GMDS: variants seen among roughly 807,000 people sequenced by gnomAD.
GMDS encodes the protein GDP-mannose 4,6 dehydratase.
Under a neutral mutation model 49.9 loss-of-function variants are expected in GMDS, and 20 were observed. That is an observed-to-expected ratio of 0.40 (90% CI 0.28 to 0.58). The LOEUF (loss-of-function observed/expected upper bound fraction) is 0.58. Ranked by LOEUF, GMDS falls within the 20% of genes least tolerant of loss-of-function variation. The pLI is 0.42. For synonymous variants in GMDS, 177 were observed against 178.6 expected (o/e 0.99, Z 0.07); for missense variants, 362 against 481.4 (o/e 0.75, Z 2.32).
chr6:2,239,029 T>TA lies in GMDS; in HGVS notation c.102+6291dup, dbSNP rs200353675. 1.0e-3 allele frequency among the ~76,000 whole-genome samples: 150 copies of TA among 149,368 alleles called. 2 individuals are homozygous for TA. Among genetic ancestry groups the TA allele is most frequent in the South Asian group, 5.3e-3 (25 of 4,724 alleles). Reference sequence around the variant, plus strand: ...AAATTAATAGTTCATTGGTTTCATTTAAAAAAAAAACTATCCTGGCCGGGC... The same window carrying TA: ...AAATTAATAGTTCATTGGTTTCATTTAAAAAAAAAAACTATCCTGGCCGGGC... On this transcript the variant is annotated intron_variant, in intron 1 of 10. Transcript: ENST00000380815.
chr6:1,849,346 G>C (rs149098715), intron 7 of GMDS, among the ~76,000 whole-genome samples: 26 of 152,218 alleles, frequency 1.7e-4, no homozygotes, highest in African/African-American at 6.3e-4. Context: ...ACCACCATAC[G>C]CATGCTGATC....
chr6:1,812,015 G>A (rs1770449449), intron 7 of GMDS, among the ~76,000 whole-genome samples: 1 of 151,234 alleles, frequency 6.6e-6, no homozygotes, highest in Non-Finnish European at 1.5e-5. Flanking sequence ...ACTGTCCGAG[G>A]AATCATAGTC....
At chr6:1,859,856 A>C (rs1758103409) in intron 7 of GMDS, among the ~76,000 whole-genome samples, 1 of 152,246 alleles carries the variant, frequency 6.6e-6, no homozygotes, top group South Asian at 2.1e-4. Flanking sequence ...CAAACATCAT[A>C]ATGTATTATT....
At chr6:2,227,469 G>T (rs1780867975) in intron 1 of GMDS, among the ~76,000 whole-genome samples, 1 of 152,176 alleles carries the variant, frequency 6.6e-6, no homozygotes, top group Non-Finnish European at 1.5e-5. Flanking sequence ...CTTTGGAGAG[G>T]ACTGAAATCA....
chr6:1,804,125 C>T (rs551414266), intron 7 of GMDS, among the ~76,000 whole-genome samples: 23 of 152,292 alleles, frequency 1.5e-4, no homozygotes, highest in East Asian at 7.7e-4. Context: ...ATTAATTTGT[C>T]GTTGTTTTTG....
At chr6:1,628,703 T>C (rs79671302) in intron 9 of GMDS, among the ~76,000 whole-genome samples, 2,224 of 152,336 alleles carry the variant, frequency 0.015, 53 homozygotes, top group African/African-American at 0.051. Context: ...AAATTTCTAA[T>C]GTACATCTTG....
chr6:2,233,001 G>GATGGGGAGTGACTGATGAATGGGT (rs1219129547), intron 1 of GMDS, among the ~76,000 whole-genome samples: 4 of 152,226 alleles, frequency 2.6e-5, no homozygotes, highest in African/African-American at 7.2e-5. Flanking sequence ...GAAAGGAGGG[G>GATGGGGAGTGACTGATGAATGGGT]ATGGGGAGTG....
intron 4 of GMDS, among the ~76,000 whole-genome samples, chr6:2,113,090 G>A (rs1221692021): frequency 6.6e-6 from 1 of 152,050 alleles, no homozygotes; most frequent in African/African-American, 2.4e-5. Context: ...TTCAAGTAAC[G>A]CCAGTAAAAT....
chr6:2,123,754 T>G (rs890928280), intron 2 of GMDS, among the ~76,000 whole-genome samples: 1 of 152,256 alleles, frequency 6.6e-6, no homozygotes, highest in Non-Finnish European at 1.5e-5. Flanking sequence ...AATTACAAAA[T>G]GTAGCATTAG....
rs553974471 is a variant in GMDS, at chr6:1,780,632, G to A, written c.772-38046C>T. ...CTGCTGGGTGCCAGGCCCAGGAGCT[G>A]GCTCCCGCGCTGCTCTGCCCATCCT... is the stretch of plus-strand genomic sequence containing the variant. On this transcript the variant is annotated intron_variant, in intron 7 of 10. Transcript: ENST00000380815. Among the ~76,000 whole-genome samples, 112 of 152,312 alleles carry A rather than the reference G, an allele frequency of 7.4e-4. 5 individuals carry two copies. The South Asian group carries it at 0.023, about 31-fold the overall frequency.
chr6:2,113,304 T>C (rs1211330636), intron 4 of GMDS, among the ~76,000 whole-genome samples: 2 of 152,048 alleles, frequency 1.3e-5, no homozygotes, highest in African/African-American at 4.8e-5. Flanking sequence ...CCCCCATTTC[T>C]AGTGACACCA....
chr6:1,798,237 GCACACACACACA>G (rs70992103), intron 7 of GMDS, among the ~76,000 whole-genome samples: 24,976 of 143,460 alleles, frequency 0.17, 2,162 homozygotes, highest in Admixed American at 0.26. Flanking sequence ...TAATTACAGA[GCACACACACACA>G]CACACACACA....
At chr6:1,742,199 C>T (rs1423657898) in intron 8 of GMDS, among the ~76,000 whole-genome samples, 3 of 151,996 alleles carry the variant, frequency 2.0e-5, no homozygotes, top group Middle Eastern at 3.4e-3. Flanking sequence ...GGATTACAGG[C>T]GTGAACCACC....
rs534754021 is a variant in GMDS, at chr6:1,801,567, A to C, written c.772-58981T>G. On this transcript the variant is annotated intron_variant, in intron 7 of 10. Coordinates refer to ENST00000380815, the MANE Select transcript of GMDS (RefSeq NM_001500.4). ...ACTCACATGATGCATTCCCCACCCC[A>C]CCTCACTCCCGTCGGAGAGGCAGGG... Among the ~76,000 whole-genome samples the C allele has an allele frequency of 2.8e-4, 43 of 152,204 alleles. 1 individual carries two copies. Among genetic ancestry groups the C allele is most frequent in the African/African-American group, 9.9e-4 (41 of 41,538 alleles).
intron 7 of GMDS, among the ~76,000 whole-genome samples, chr6:1,784,403 A>AG (rs70989202): frequency 2.0e-5 from 3 of 151,098 alleles, no homozygotes; most frequent in East Asian, 1.9e-4. Context: ...AAAAAAAAAA[A>AG]AAAAAAAAAA....
At chr6:1,701,989 A>G (rs1235356462) in intron 9 of GMDS, among the ~76,000 whole-genome samples, 1 of 152,258 alleles carries the variant, frequency 6.6e-6, no homozygotes, top group Non-Finnish European at 1.5e-5. Flanking sequence ...TCAGATGGCC[A>G]ACATTTTTGC....
chr6:1,920,200 A>G (rs548251846), intron 7 of GMDS, among the ~76,000 whole-genome samples: 2 of 152,322 alleles, frequency 1.3e-5, no homozygotes, highest in South Asian at 2.1e-4. Context: ...GGCAAGATTA[A>G]CATGCTTGTA....
intron 7 of GMDS, among the ~76,000 whole-genome samples, chr6:1,801,374 C>T (rs1369667783): frequency 6.6e-6 from 1 of 152,208 alleles, no homozygotes; most frequent in African/African-American, 2.4e-5. Flanking sequence ...GCTGCCAATC[C>T]TGGTAGCTAT....
Position 1,742,469 on chromosome 6 carries a change from C to G in GMDS, c.889G>C (p.Val297Leu), listed in dbSNP as rs1049142696. The change falls in exon 8 of 11, where the codon GTG (valine) becomes CTG (leucine). Residue 297 changes from valine to leucine, a missense_variant and splice_region_variant. Coordinates refer to ENST00000380815, the MANE Select transcript of GMDS (RefSeq NM_001500.4). The stretch of plus-strand genomic sequence containing the variant: ...TAGTCATTTCTCAGGTATACTTACA[C>G]AATGGTTTTTCCAATGTGCAAGAAT... ...KSFLHIGKTI[V>L]WEGKNENEVG... The G allele has an allele frequency of 6.4e-7, 1 of 1,552,410 alleles. No individual in the cohort carries two copies. Among genetic ancestry groups the G allele is most frequent in the Admixed American group, 1.7e-5 (1 of 59,862 alleles).
Sources: gnomAD v4.1 joint callset for allele counts (sites outside exome capture counted in the v4.1 genomes callset) on GRCh38, gnomAD v4.1.1 for gene constraint, MANE v1.5 for transcripts, NCBI Gene and HGNC (gene_info 2026-07-23, HGNC 2026-07-21) for gene names.